The following ESYT2 variants were observed in gnomAD, a reference collection of about 807,000 sequenced individuals.
ESYT2 encodes extended synaptotagmin-2.
A neutral mutation model predicts 107.2 loss-of-function variants in ESYT2; 54 were observed. The observed-to-expected ratio is 0.50, with a 90% CI of 0.40 to 0.63. ESYT2 has a LOEUF of 0.63. Ranked by LOEUF, ESYT2 falls within the 30% of genes least tolerant of loss-of-function variation. The pLI is 0.00. For synonymous variants in ESYT2, 491 were observed against 434.1 expected, an observed-to-expected ratio of 1.13 and a Z score of -1.63; for missense variants, 1,020 against 1,094.5, an observed-to-expected ratio of 0.93 and a Z score of 0.96.
At position 158,741,586 on chromosome 7, in the gene ESYT2, G is replaced by T; in HGVS notation, c.2105C>A (p.Ala702Asp). 1 of 1,610,380 alleles carries T rather than the reference G, an allele frequency of 6.2e-7. No homozygotes were observed. The highest frequency in any genetic ancestry group is 8.5e-7 in the Non-Finnish European group (1 of 1,179,878). ...ISVKEPTPSI[A>D]SDISLPIATQ... is the part of the protein sequence containing the mutation. ...GGCGATGGGCAGCGAGATGTCCGAG[G>T]CGATGCTGGGGGTCGGCTCCTTGAC... Residue 702 changes from alanine to aspartate, a missense_variant, in exon 18 of 23, where the codon GCC becomes GAC. Coordinates refer to ENST00000275418, the MANE Select transcript of ESYT2 (RefSeq NM_001367773.1).
chr7:158,805,620 T>C (rs1418474459), intron 1 of ESYT2, among the ~76,000 whole-genome samples: 1 of 152,242 alleles, frequency 6.6e-6, no homozygotes, highest in Non-Finnish European at 1.5e-5. Flanking sequence ...TAATTTTCTC[T>C]GTGGTTTATG....
At chr7:158,800,215 A>G (rs1839596027) in intron 1 of ESYT2, among the ~76,000 whole-genome samples, 1 of 151,498 alleles carries the variant, frequency 6.6e-6, no homozygotes. Flanking sequence ...CGCCTGGCTA[A>G]TTTTTGTATT....
At chr7:158,812,655 G>A (rs1467593121) in intron 1 of ESYT2, among the ~76,000 whole-genome samples, 1 of 152,134 alleles carries the variant, frequency 6.6e-6, no homozygotes, top group Non-Finnish European at 1.5e-5. Context: ...AATGTTCATC[G>A]CAGCACCATT....
At chr7:158,809,497 A>AAAAAAAAG (rs1554425655) in intron 1 of ESYT2, among the ~76,000 whole-genome samples, 1 of 140,532 alleles carries the variant, frequency 7.1e-6, no homozygotes, top group African/African-American at 2.6e-5. Flanking sequence ...AAAAAAAAAA[A>AAAAAAAAG]CCAGGGGGGA....
chr7:158,737,863 A>G (rs560351336), intron 19 of ESYT2, among the ~76,000 whole-genome samples: 12 of 152,386 alleles, frequency 7.9e-5, no homozygotes, highest in African/African-American at 2.6e-4. Context: ...AGAAAATTGC[A>G]TAAAAGGAAA....
intron 1 of ESYT2, among the ~76,000 whole-genome samples, chr7:158,817,395 G>C (rs1840174404): frequency 6.6e-6 from 1 of 152,390 alleles, no homozygotes; most frequent in South Asian, 2.1e-4. Flanking sequence ...TCTCTAGACA[G>C]TAACTTAACC....
intron 13 of ESYT2, among the ~76,000 whole-genome samples, chr7:158,755,348 A>C (rs1039391013): frequency 6.6e-6 from 1 of 152,224 alleles, no homozygotes; most frequent in Non-Finnish European, 1.5e-5. Context: ...GGAACATCTT[A>C]GGTGATGCAT....
chr7:158,791,909 C>CT (rs1424651407), intron 4 of ESYT2, among the ~76,000 whole-genome samples: 1 of 152,160 alleles, frequency 6.6e-6, no homozygotes, highest in Non-Finnish European at 1.5e-5. Flanking sequence ...ATTAAGTCTT[C>CT]TAATCCATTA....
chr7:158,822,490 G>T (rs574262624), intron 1 of ESYT2, among the ~76,000 whole-genome samples: 2 of 152,278 alleles, frequency 1.3e-5, no homozygotes, highest in East Asian at 3.9e-4. Flanking sequence ...GGCCCGAGGT[G>T]GTGGCTCACA....
rs1173735798 is a variant in ESYT2 at position 158,823,294 on chromosome 7, CAAAAAA to C, written c.330+5789_330+5794del. On this transcript the variant is annotated intron_variant, in intron 1 of 22. Transcript: ENST00000275418. ...TGGGCGACAGAGTGAGACTCTGTCT[CAAAAAA>C]AAAAAAAAAAAAAAAAAAAAAGACA... Among the ~76,000 whole-genome samples, 41 of 29,810 alleles carry C rather than the reference CAAAAAA, an allele frequency of 1.4e-3. 1 individual carries two copies. The East Asian group carries it at 0.017, about 12-fold the overall frequency. The allele number at this position is 29,810 out of a possible 152,430, so 19.6% of individuals were successfully genotyped here.
rs115045342 is a variant in ESYT2, at chr7:158,759,465, T to C, written c.1419+21A>G. ...CTGCTAGGAAATACGCACCCACAGG[T>C]GTTACCACTGTGTTACCTACCGGAA... On this transcript the variant is annotated intron_variant, in intron 13 of 22. Transcript: ENST00000275418. 2.5e-4 allele frequency: 395 copies of C among 1,587,190 alleles called. 1 individual carries two copies. In the African/African-American group the frequency reaches 4.7e-3, roughly 19 times the overall value.
chr7:158,814,273 C>CA lies in ESYT2; in HGVS notation c.330+14815dup, dbSNP rs1186774353. Among the ~76,000 whole-genome samples, 129 of 98,386 alleles carry CA rather than the reference C, an allele frequency of 1.3e-3. 3 individuals carry two copies. Among genetic ancestry groups the CA allele is most frequent in the Middle Eastern group, 5.4e-3 (1 of 184 alleles). 64.5% of individuals were successfully genotyped at this position (98,386 alleles called of 152,430 possible). On this transcript the variant is annotated intron_variant, in intron 1 of 22. Coordinates refer to ENST00000275418, the MANE Select transcript of ESYT2 (RefSeq NM_001367773.1). ...TGGGCGACAGAGCGAGACTCCGTCTCAAAAAAAAAAAAATTATATATATAT... is the reference window on the plus strand; with the variant it reads ...TGGGCGACAGAGCGAGACTCCGTCTCAAAAAAAAAAAAAATTATATATATAT...
intron 7 of ESYT2, 74 bp downstream of exon 7, chr7:158,773,267 A>G: frequency 6.5e-7 from 1 of 1,530,492 alleles, no homozygotes; most frequent in Non-Finnish European, 9.1e-7. Flanking sequence ...CCATTCTCAC[A>G]CTATTGTCAA....
In ESYT2 at chr7:158,787,289, A is replaced by G. The variant is rs555854789; in HGVS notation, c.747+715T>C. On this transcript the variant is annotated intron_variant, in intron 6 of 22. Coordinates refer to ENST00000275418, the MANE Select transcript of ESYT2 (RefSeq NM_001367773.1). ...ATCTAAAAATCCAAAATGCTTCAAT[A>G]TAAGAAACTTTTTGAGTACTAGCAT... Among the ~76,000 whole-genome samples, 228 of 152,368 alleles carry G rather than the reference A, an allele frequency of 1.5e-3. 2 individuals carry two copies. Among genetic ancestry groups the G allele is most frequent in the Non-Finnish European group, 2.8e-3 (192 of 68,040 alleles).
At chr7:158,768,142 A>C (rs1242938513) in intron 7 of ESYT2, among the ~76,000 whole-genome samples, 1 of 152,190 alleles carries the variant, frequency 6.6e-6, no homozygotes, top group Admixed American at 6.5e-5. Flanking sequence ...TTTTATACTT[A>C]TTTACTAAAA....
intron 4 of ESYT2, among the ~76,000 whole-genome samples, chr7:158,791,320 T>A (rs1839284363): frequency 6.6e-6 from 1 of 152,204 alleles, no homozygotes; most frequent in South Asian, 2.1e-4. Flanking sequence ...GCTTATCCAT[T>A]CATCGGCCCA....
At chr7:158,806,518 A>G (rs1839837201) in intron 1 of ESYT2, among the ~76,000 whole-genome samples, 1 of 152,242 alleles carries the variant, frequency 6.6e-6, no homozygotes, top group Admixed American at 6.5e-5. Context: ...TGGCAGAGTC[A>G]AAACAGGGAT....
intron 13 of ESYT2, among the ~76,000 whole-genome samples, chr7:158,757,627 C>T (rs1437432899): frequency 1.3e-5 from 2 of 152,128 alleles, no homozygotes; most frequent in African/African-American, 4.8e-5. Context: ...TCCTAGAGCC[C>T]GCGGGACGCC....
intron 1 of ESYT2, among the ~76,000 whole-genome samples, chr7:158,810,374 C>G (rs1284158868): frequency 6.6e-6 from 1 of 152,162 alleles, no homozygotes. Flanking sequence ...ATATGTTACA[C>G]TATCTAGTAA....
Sources: allele counts gnomAD v4.1 joint callset (sites outside exome capture counted in the v4.1 genomes callset), GRCh38; gene constraint gnomAD v4.1.1; transcripts MANE v1.5; gene names NCBI Gene and HGNC (gene_info 2026-07-23, HGNC 2026-07-21).